The following PTPRD variants were observed in gnomAD, a reference collection of about 807,000 sequenced individuals.
PTPRD encodes protein tyrosine phosphatase receptor type D, also known as receptor-type tyrosine-protein phosphatase delta.
In PTPRD, 34 loss-of-function variants were observed where a neutral mutation model predicts 214.5. That is an observed-to-expected ratio of 0.16 (90% CI 0.12 to 0.21). The LOEUF (loss-of-function observed/expected upper bound fraction) is 0.21. PTPRD is among the 10% of genes least tolerant of loss of function. The pLI is 1.00. For synonymous variants in PTPRD, 1,128 were observed against 845.7 expected (o/e 1.33, Z -5.79); for missense variants, 2,545 against 2,398.7 (o/e 1.06, Z -1.27).
intron 3 of PTPRD, among the ~76,000 whole-genome samples, chr9:10,251,912 T>A (rs1484455113): frequency 6.6e-6 from 1 of 152,154 alleles, no homozygotes; most frequent in African/African-American, 2.4e-5. Flanking sequence ...GGTGATCCAT[T>A]GCAGAGTAAG....
At chr9:9,751,252 T>C (rs1753813208) in intron 6 of PTPRD, among the ~76,000 whole-genome samples, 1 of 152,136 alleles carries the variant, frequency 6.6e-6, no homozygotes, top group Non-Finnish European at 1.5e-5. Context: ...AAGATGACTT[T>C]AGTTCCAGGC....
At chr9:9,315,384 G>A (rs1471699062) in intron 9 of PTPRD, among the ~76,000 whole-genome samples, 2 of 152,040 alleles carry the variant, frequency 1.3e-5, no homozygotes, top group South Asian at 2.1e-4. Context: ...CTACAAAGTA[G>A]ATATTACTAT....
chr9:9,878,905 G>A (rs929799953), intron 5 of PTPRD, among the ~76,000 whole-genome samples: 6 of 152,024 alleles, frequency 3.9e-5, no homozygotes, highest in African/African-American at 1.4e-4. Context: ...AGCTATTGAT[G>A]TCCTTATCAG....
At chr9:9,335,763 T>C (rs2044194650) in intron 9 of PTPRD, among the ~76,000 whole-genome samples, 1 of 152,062 alleles carries the variant, frequency 6.6e-6, no homozygotes, top group Non-Finnish European at 1.5e-5. Flanking sequence ...CATTCAATCC[T>C]CTCTTTTACA....
At chr9:8,561,032 C>A (rs1207552202) in intron 14 of PTPRD, among the ~76,000 whole-genome samples, 1 of 151,964 alleles carries the variant, frequency 6.6e-6, no homozygotes, top group Non-Finnish European at 1.5e-5. Flanking sequence ...CACCTCCAAA[C>A]TGAAGACAGT....
intron 5 of PTPRD, among the ~76,000 whole-genome samples, chr9:9,848,943 A>G (rs187179203): frequency 4.6e-5 from 7 of 152,140 alleles, no homozygotes; most frequent in African/African-American, 7.2e-5. Flanking sequence ...AATTAATAAC[A>G]TATTTATTGA....
In PTPRD at chr9:10,185,544, T is replaced by C. The variant is rs73641869; in HGVS notation, c.-544-151754A>G. Among the ~76,000 whole-genome samples, 811 of 152,322 alleles carry C rather than the reference T, an allele frequency of 5.3e-3. 9 individuals are homozygous for C. Among genetic ancestry groups the C allele is most frequent in the African/African-American group, 0.018 (752 of 41,580 alleles). ...CATAATCCTTAGGGAATGGCTGTTA[T>C]CTGCGTTTTACAAACACCCCAGGGA... On this transcript the variant is annotated intron_variant, in intron 3 of 45. Transcript: ENST00000381196.
chr9:8,975,632 T>C (rs1430461966), intron 11 of PTPRD, among the ~76,000 whole-genome samples: 6 of 151,950 alleles, frequency 3.9e-5, no homozygotes. Context: ...GTAAGCCTCA[T>C]AAAATTACTT....
At chr9:8,982,063 G>T (rs547245246) in intron 11 of PTPRD, among the ~76,000 whole-genome samples, 2 of 151,992 alleles carry the variant, frequency 1.3e-5, no homozygotes, top group African/African-American at 2.4e-5. Flanking sequence ...GTAAGAAAAA[G>T]GTCAAGAAGT....
chr9:9,032,893 A>G (rs1470564445), intron 10 of PTPRD, among the ~76,000 whole-genome samples: 1 of 152,144 alleles, frequency 6.6e-6, no homozygotes, highest in Admixed American at 6.6e-5. Flanking sequence ...CTTCCCTTCC[A>G]GCCGGCCTTC....
intron 39 of PTPRD, among the ~76,000 whole-genome samples, chr9:8,364,419 A>G (rs1241335361): frequency 6.6e-6 from 1 of 152,218 alleles, no homozygotes; most frequent in Non-Finnish European, 1.5e-5. Flanking sequence ...TACTTTATCG[A>G]ATAGAAGAGG....
chr9:9,728,575 T>C (rs993780661), intron 7 of PTPRD, among the ~76,000 whole-genome samples: 6 of 152,072 alleles, frequency 3.9e-5, no homozygotes, highest in Admixed American at 2.0e-4. Context: ...GCCAAAGACA[T>C]AGGAAGCAGG....
intron 3 of PTPRD, among the ~76,000 whole-genome samples, chr9:10,166,133 C>T (rs1227683730): frequency 6.7e-6 from 1 of 148,364 alleles, no homozygotes; most frequent in Non-Finnish European, 1.5e-5. Flanking sequence ...ATACATAAAC[C>T]TATGTTTTAA....
At chr9:9,988,179 A>G (rs2095788650) in intron 4 of PTPRD, among the ~76,000 whole-genome samples, 1 of 152,112 alleles carries the variant, frequency 6.6e-6, no homozygotes, top group Non-Finnish European at 1.5e-5. Context: ...TTCTGCTACA[A>G]AACACATAAT....
intron 2 of PTPRD, among the ~76,000 whole-genome samples, chr9:10,495,342 A>T (rs2041728754): frequency 6.6e-6 from 1 of 151,842 alleles, no homozygotes; most frequent in Non-Finnish European, 1.5e-5. Flanking sequence ...GAGCTTAAAT[A>T]GAAAATCCAC....
At chr9:10,237,584 C>T (rs2099633223) in intron 3 of PTPRD, among the ~76,000 whole-genome samples, 1 of 151,902 alleles carries the variant, frequency 6.6e-6, no homozygotes, top group South Asian at 2.1e-4. Flanking sequence ...ATGACATGAA[C>T]AAAAATTCTC....
intron 3 of PTPRD, among the ~76,000 whole-genome samples, chr9:10,303,339 C>A (rs549626704): frequency 1.3e-5 from 2 of 152,016 alleles, no homozygotes; most frequent in South Asian, 4.2e-4. Flanking sequence ...CCTAACATCA[C>A]AATTAAAAGA....
At chr9:8,997,064 C>A (rs1015539768) in intron 11 of PTPRD, among the ~76,000 whole-genome samples, 12 of 152,042 alleles carry the variant, frequency 7.9e-5, no homozygotes, top group African/African-American at 2.9e-4. Context: ...ACTAGAGTCT[C>A]ATTTCTTTCC....
chr9:10,545,474 T>C (rs1431435485), intron 2 of PTPRD, among the ~76,000 whole-genome samples: 1 of 152,190 alleles, frequency 6.6e-6, no homozygotes, highest in Non-Finnish European at 1.5e-5. Flanking sequence ...TTCAACTGGT[T>C]GTAGCACAGA....
Sources: allele counts gnomAD v4.1 joint callset (sites outside exome capture counted in the v4.1 genomes callset), GRCh38; gene constraint gnomAD v4.1.1; transcripts MANE v1.5; gene names NCBI Gene and HGNC (gene_info 2026-07-23, HGNC 2026-07-21).